SYBU: variants seen among roughly 807,000 people sequenced by gnomAD.
SYBU encodes the protein GOLSYN A protein.
Under a neutral mutation model 35.9 loss-of-function variants are expected in SYBU, and 21 were observed. That is an observed-to-expected ratio of 0.58 (90% CI 0.41 to 0.84). SYBU has a LOEUF of 0.84. Among genes scored for constraint, SYBU ranks in the 40% least tolerant of loss-of-function variants. SYBU has a pLI of 0.00. For synonymous variants in SYBU, 319 were observed against 324.3 expected (o/e 0.98, Z 0.18); for missense variants, 768 against 848.2 (o/e 0.91, Z 1.17).
Position 109,668,173 on chromosome 8 carries a change from A to AGAAAGGG in SYBU, c.-129+12537_-129+12538insCCCTTTC, listed in dbSNP as rs796476738. Reference sequence around the variant, plus strand: ...GGCAGAGGGGGAGAGGGGGAGAGAGAGAGAGAGAGAGAGAGAGAGAGAGAG... The same window carrying AGAAAGGG: ...GGCAGAGGGGGAGAGGGGGAGAGAGAGAAAGGGGAGAGAGAGAGAGAGAGAGAGAGAG... On this transcript the variant is annotated intron_variant, in intron 1 of 5. Transcript: ENST00000408889. Among the ~76,000 whole-genome samples, 152 of 131,556 alleles carry AGAAAGGG rather than the reference A, an allele frequency of 1.2e-3. 1 individual carries two copies. The highest frequency in any genetic ancestry group is 3.7e-3 in the Middle Eastern group (1 of 268). The allele number at this position is 131,556 out of a possible 152,430, so 86.3% of individuals were successfully genotyped here. A position where few individuals can be genotyped will look rare whatever the true frequency, so the allele number is the denominator to read the frequency against.
At chr8:109,597,714 A>C (rs1174369748) in intron 3 of SYBU, among the ~76,000 whole-genome samples, 1 of 152,036 alleles carries the variant, frequency 6.6e-6, no homozygotes, top group East Asian at 1.9e-4. Flanking sequence ...GCCCTGTCTC[A>C]AAAAAAAGTT....
At chr8:109,682,589 A>C (rs576587177), upstream of SYBU, among the ~76,000 whole-genome samples, 17 of 152,312 alleles carry the variant, frequency 1.1e-4, no homozygotes, top group African/African-American at 3.6e-4. Flanking sequence ...CAGAGCATAA[A>C]AGTTTTGAAC....
chr8:109,646,996 A>G (rs1227193865), upstream of SYBU: 1 of 152,172 alleles, frequency 6.6e-6, no homozygotes, highest in Non-Finnish European at 1.5e-5. Flanking sequence ...CTTGCCTCTT[A>G]TTCCTTTCTC....
upstream of SYBU, among the ~76,000 whole-genome samples, chr8:109,683,836 G>A (rs111350953): frequency 0.049 from 7,393 of 152,208 alleles, 581 homozygotes; most frequent in African/African-American, 0.17. Context: ...TCATGATAGT[G>A]AGTGTGTTCT....
At chr8:109,664,774 G>A (rs1454829871) in intron 1 of SYBU, among the ~76,000 whole-genome samples, 1 of 152,174 alleles carries the variant, frequency 6.6e-6, no homozygotes, top group Non-Finnish European at 1.5e-5. Context: ...AGAATACTGG[G>A]TGTTGGGAGG....
At chr8:109,663,115 T>A (rs1816624011) in intron 1 of SYBU, among the ~76,000 whole-genome samples, 2 of 152,160 alleles carry the variant, frequency 1.3e-5, no homozygotes, top group Admixed American at 6.6e-5. Flanking sequence ...TTCAATATGA[T>A]GTTTAGTTTA....
chr8:109,644,795 C>T lies in SYBU; in HGVS notation c.-136G>A, dbSNP rs538789413. 14,395 of 871,358 alleles carry T rather than the reference C, an allele frequency of 0.017. 125 individuals are homozygous for T. The highest frequency in any genetic ancestry group is 0.02 in the Non-Finnish European group (12,447 of 636,612). 54.0% of individuals were successfully genotyped at this position (871,358 alleles called of 1,614,324 possible). A position where few individuals can be genotyped will look rare whatever the true frequency, so the allele number is the denominator to read the frequency against. ...GGCTCTTGGTGAGGCTCCAACGCGC[C>T]GCCGCCGCCACTGCCGCCGATTGCT... On this transcript the variant is annotated 5_prime_UTR_variant, in exon 1 of 7. Transcript: ENST00000276646.
rs114479771 is a variant in SYBU at position 109,667,541 on chromosome 8, A to G, written c.-129+13170T>C. On this transcript the variant is annotated intron_variant, in intron 1 of 5. Transcript: ENST00000408889. ...AAAAGACGCAGTAATTTGTGTTTTAAATAGTATCTAAAACCTCTCCTACCA... is the reference window on the plus strand; with the variant it reads ...AAAAGACGCAGTAATTTGTGTTTTAGATAGTATCTAAAACCTCTCCTACCA... Among the ~76,000 whole-genome samples the G allele has an allele frequency of 7.7e-3, 1,163 of 151,862 alleles. 9 individuals carry two copies. The highest frequency in any genetic ancestry group is 0.027 in the African/African-American group (1,103 of 41,512).
intron 3 of SYBU, among the ~76,000 whole-genome samples, chr8:109,589,105 A>T (rs1389484495): frequency 6.6e-6 from 1 of 152,216 alleles, no homozygotes; most frequent in African/African-American, 2.4e-5. Flanking sequence ...GGTTGCAGTG[A>T]GCCAAGATCA....
At chr8:109,592,716 C>G (rs1163381069) in intron 3 of SYBU, among the ~76,000 whole-genome samples, 1 of 152,216 alleles carries the variant, frequency 6.6e-6, no homozygotes, top group Non-Finnish European at 1.5e-5. Flanking sequence ...GTGAAAGTTT[C>G]TGACCAGAAG....
intron 3 of SYBU, among the ~76,000 whole-genome samples, chr8:109,603,195 GCAA>G (rs1272396708): frequency 3.3e-5 from 5 of 152,318 alleles, no homozygotes; most frequent in African/African-American, 1.2e-4. Flanking sequence ...CCAGCAGCAA[GCAA>G]CAACATTTCA....
intron 3 of SYBU, among the ~76,000 whole-genome samples, chr8:109,613,466 A>G (rs1341700135): frequency 6.6e-6 from 1 of 152,234 alleles, no homozygotes; most frequent in Non-Finnish European, 1.5e-5. Flanking sequence ...CACAGCTACA[A>G]AATAGTGGTA....
intron 3 of SYBU, among the ~76,000 whole-genome samples, chr8:109,593,784 ACT>A (rs1420614923): frequency 1.3e-5 from 2 of 152,074 alleles, no homozygotes; most frequent in Non-Finnish European, 2.9e-5. Flanking sequence ...TCCCACACTG[ACT>A]CAGCTCAGGA....
At chr8:109,639,048 G>A (rs1487258589) in intron 2 of SYBU, among the ~76,000 whole-genome samples, 2 of 152,228 alleles carry the variant, frequency 1.3e-5, no homozygotes, top group African/African-American at 4.8e-5. Flanking sequence ...GAGGGAGGCA[G>A]TGGAGTGCGG....
intron 2 of SYBU, among the ~76,000 whole-genome samples, chr8:109,626,512 T>C (rs1812999392): frequency 6.6e-6 from 1 of 152,224 alleles, no homozygotes; most frequent in Non-Finnish European, 1.5e-5. Flanking sequence ...TAAATACTTT[T>C]TGCATAATTC....
At chr8:109,644,578 GC>G in intron 1 of SYBU, 57 bp downstream of exon 1, 1 of 1,524,768 alleles carries the variant, frequency 6.6e-7, no homozygotes, top group Admixed American at 2.0e-5. Flanking sequence ...GCCGCTTCTC[GC>G]CCCGCAGTGC....
chr8:109,611,894 A>G (rs1451683551), intron 3 of SYBU, among the ~76,000 whole-genome samples: 2 of 152,204 alleles, frequency 1.3e-5, no homozygotes, highest in African/African-American at 4.8e-5. Flanking sequence ...CTGTCAACAT[A>G]ATGTACATAT....
Position 109,643,298 on chromosome 8 carries a change from C to T in SYBU, c.25-366G>A, listed in dbSNP as rs1815144416. 5 of 468,834 alleles carry T rather than the reference C, an allele frequency of 1.1e-5. No individual in the cohort carries two copies. In the Admixed American group the frequency reaches 3.1e-4, roughly 29 times the overall value. The allele number at this position is 468,834 out of a possible 1,614,324, so 29.0% of individuals were successfully genotyped here. On this transcript the variant is annotated intron_variant, in intron 1 of 6. Transcript: ENST00000276646. Reference sequence around the variant, plus strand: ...CCTCCCAAAGGCTCTTTATTAACACCACACTCTGGCTTACTTGATAGCCTT... The same window carrying T: ...CCTCCCAAAGGCTCTTTATTAACACTACACTCTGGCTTACTTGATAGCCTT...
At chr8:109,609,764 T>C (rs1810962269) in intron 3 of SYBU, among the ~76,000 whole-genome samples, 1 of 152,110 alleles carries the variant, frequency 6.6e-6, no homozygotes, top group Non-Finnish European at 1.5e-5. Flanking sequence ...ACACTGTCTC[T>C]CTAAAATAAT....
Sources: gnomAD v4.1 joint callset for allele counts (sites outside exome capture counted in the v4.1 genomes callset) on GRCh38, gnomAD v4.1.1 for gene constraint, MANE v1.5 for transcripts, NCBI Gene and HGNC (gene_info 2026-07-23, HGNC 2026-07-21) for gene names.